Variants in SCAND3 observed in about 807,000 individuals in gnomAD.
The protein encoded by SCAND3 is SCAN domain containing 3.
chr6:28,605,848 AAAAG>A, the SCAND3 span, among the ~76,000 whole-genome samples: 6 of 152,130 alleles, frequency 3.9e-5, no homozygotes, highest in East Asian at 3.8e-4. Context: ...CTGTCTCAGA[AAAAG>A]AAAGAAAGAA....
the SCAND3 span, among the ~76,000 whole-genome samples, chr6:28,593,135 G>A: frequency 2.0e-5 from 3 of 150,788 alleles, no homozygotes; most frequent in Non-Finnish European, 4.4e-5. Context: ...CCACAGAATG[G>A]GAAAACATTT....
the SCAND3 span, among the ~76,000 whole-genome samples, chr6:28,574,409 T>A: frequency 2.0e-5 from 3 of 152,154 alleles, no homozygotes; most frequent in Non-Finnish European, 4.4e-5. Context: ...CAAACTGAAG[T>A]CTTTCCCAAC....
chr6:28,593,706 T>G, the SCAND3 span: 1 of 152,162 alleles, frequency 6.6e-6, no homozygotes, highest in African/African-American at 2.4e-5. Flanking sequence ...TTTTTGGCTT[T>G]GTTTTGCTTT....
chr6:28,613,836 C>T, the SCAND3 span, among the ~76,000 whole-genome samples: 1 of 152,148 alleles, frequency 6.6e-6, no homozygotes, highest in African/African-American at 2.4e-5. Flanking sequence ...CTAAAAAGTC[C>T]AAGTATAAGC....
chr6:28,573,030 A>G, the SCAND3 span: 5 of 1,612,740 alleles, frequency 3.1e-6, no homozygotes, highest in Middle Eastern at 1.6e-4. Flanking sequence ...TGTTAACAAT[A>G]TAATTCTTTA....
At chr6:28,597,375 C>A in the SCAND3 span, among the ~76,000 whole-genome samples, 2 of 152,232 alleles carry the variant, frequency 1.3e-5, no homozygotes, top group South Asian at 2.1e-4. Flanking sequence ...GCGTGCAGAG[C>A]ACAATGGATT....
At chr6:28,608,781 T>C in the SCAND3 span, among the ~76,000 whole-genome samples, 1 of 152,212 alleles carries the variant, frequency 6.6e-6, no homozygotes, top group South Asian at 2.1e-4. Context: ...GGAGAATTGC[T>C]TGAGCCCAGG....
At chr6:28,604,897 A>G in the SCAND3 span, among the ~76,000 whole-genome samples, 10 of 152,310 alleles carry the variant, frequency 6.6e-5, no homozygotes, top group East Asian at 1.9e-3. Context: ...TGATCTTAAC[A>G]TAAGAGAGTT....
At chr6:28,586,625 G>A in the SCAND3 span, 1 of 1,614,044 alleles carries the variant, frequency 6.2e-7, no homozygotes, top group Non-Finnish European at 8.5e-7. This position sits in a 1 kb window ranked among gnomAD's most constrained non-coding sequence, Gnocchi z 4.4. Flanking sequence ...CCCAAGTGTG[G>A]TCTTCTTCTT....
the SCAND3 span, among the ~76,000 whole-genome samples, chr6:28,592,679 T>C: frequency 1.3e-5 from 2 of 152,190 alleles, no homozygotes; most frequent in Non-Finnish European, 2.9e-5. This position sits in a 1 kb window ranked among gnomAD's most constrained non-coding sequence, Gnocchi z 4.1. Flanking sequence ...ATATCTATTA[T>C]AAAGTGATTG....
At chr6:28,587,687 CA>C in the SCAND3 span, 1 of 152,102 alleles carries the variant, frequency 6.6e-6, no homozygotes, top group Non-Finnish European at 1.5e-5. Flanking sequence ...AATTTCGGGC[CA>C]CTTTCACCTT....
chr6:28,572,757 A>G, the SCAND3 span: 1 of 1,614,034 alleles, frequency 6.2e-7, no homozygotes, highest in Non-Finnish European at 8.5e-7. The surrounding 1 kb of genome is among the most constrained non-coding windows in gnomAD (Gnocchi z 4.1). Context: ...CTTCCATATT[A>G]TCACATAATA....
At chr6:28,594,128 G>C in the SCAND3 span, 2 of 152,174 alleles carry the variant, frequency 1.3e-5, no homozygotes, top group African/African-American at 4.8e-5. Context: ...GACAGCTTTT[G>C]TACATTGTTG....
At chr6:28,588,883 T>C in the SCAND3 span, among the ~76,000 whole-genome samples, 5 of 152,146 alleles carry the variant, frequency 3.3e-5, no homozygotes, top group Admixed American at 6.5e-5. This position sits in a 1 kb window ranked among gnomAD's most constrained non-coding sequence, Gnocchi z 4.1. Context: ...CTCGCTAAAG[T>C]GTGTTAAGAT....
At chr6:28,585,771 C>T in the SCAND3 span, among the ~76,000 whole-genome samples, 2 of 152,136 alleles carry the variant, frequency 1.3e-5, no homozygotes, top group Non-Finnish European at 2.9e-5. Flanking sequence ...CCTTTAGAAA[C>T]AACTCCACTG....
the SCAND3 span, among the ~76,000 whole-genome samples, chr6:28,601,201 G>C: frequency 6.6e-6 from 1 of 151,996 alleles, no homozygotes; most frequent in Non-Finnish European, 1.5e-5. Flanking sequence ...CACGGCGCCC[G>C]GCCACATGTG....
the SCAND3 span, chr6:28,586,191 G>C: frequency 1.2e-6 from 1 of 850,322 alleles, no homozygotes; most frequent in Non-Finnish European, 1.9e-6. This position sits in a 1 kb window ranked among gnomAD's most constrained non-coding sequence, Gnocchi z 4.4. Context: ...AAGAAATAAT[G>C]CCCCAAACCA....
the SCAND3 span, among the ~76,000 whole-genome samples, chr6:28,596,185 T>C: frequency 6.6e-6 from 1 of 152,208 alleles, no homozygotes; most frequent in East Asian, 1.9e-4. Context: ...CAGCATAGTT[T>C]ATAATAGCAA....
At chr6:28,574,943 C>T in the SCAND3 span, 2 of 1,613,778 alleles carry the variant, frequency 1.2e-6, no homozygotes, top group South Asian at 2.2e-5. Flanking sequence ...TTTTCAGCCA[C>T]CTTAGGAGTG....
Sources: allele counts gnomAD v4.1 joint callset (sites outside exome capture counted in the v4.1 genomes callset), GRCh38; gene constraint gnomAD v4.1.1; non-coding constraint Gnocchi (gnomAD v3.1); transcripts MANE v1.5; gene names NCBI Gene and HGNC (gene_info 2026-07-23, HGNC 2026-07-21).